Variants in SPON1 observed in about 807,000 individuals in gnomAD.
The protein encoded by SPON1 is spondin 1.
In SPON1, 52 loss-of-function variants were observed where a neutral mutation model predicts 111.7. The ratio of observed to expected loss-of-function variants is 0.47; its 90% CI spans 0.37 to 0.59. The LOEUF is 0.59. SPON1 is among the 20% of genes least tolerant of loss of function. The pLI, the probability that SPON1 is intolerant of heterozygous loss-of-function variation, is 0.00. For synonymous variants in SPON1, 410 were observed against 395.8 expected, an observed-to-expected ratio of 1.04 and a Z score of -0.43; for missense variants, 957 against 1,068.5, an observed-to-expected ratio of 0.90 and a Z score of 1.46.
chr11:14,243,837 T>C (rs546182422), intron 7 of SPON1, among the ~76,000 whole-genome samples: 21 of 152,200 alleles, frequency 1.4e-4, no homozygotes, highest in Non-Finnish European at 2.4e-4. Flanking sequence ...AGATTTTATC[T>C]GCCCTTGAGT....
intron 6 of SPON1, among the ~76,000 whole-genome samples, chr11:14,143,905 G>A (rs1847687913): frequency 6.6e-6 from 1 of 152,142 alleles, no homozygotes; most frequent in African/African-American, 2.4e-5. Context: ...CAGAGAAAGA[G>A]TATGGGGCCC....
intron 6 of SPON1, among the ~76,000 whole-genome samples, chr11:14,140,957 G>C (rs751951091): frequency 6.6e-6 from 1 of 151,526 alleles, no homozygotes; most frequent in Non-Finnish European, 1.5e-5. Context: ...GCTTGATGGA[G>C]GGTTTTCTCA....
rs1848027790 is a variant in SPON1, at chr11:13,967,553, GA to G, written c.238+4417del. On this transcript the variant is annotated intron_variant, in intron 1 of 15. Transcript: ENST00000576479. ...AAACCCAGAAAGAAAAAAAAAAAAA[GA>G]AAAAACAGATTTGACTGTTGTTTTG... Among the ~76,000 whole-genome samples, 4 of 138,020 alleles carry G rather than the reference GA, an allele frequency of 2.9e-5. No homozygotes were observed. In the South Asian group the frequency reaches 9.3e-4, roughly 32 times the overall value. 90.5% of individuals were successfully genotyped at this position (138,020 alleles called of 152,430 possible). A position where few individuals can be genotyped will look rare whatever the true frequency, so the allele number is the denominator to read the frequency against.
rs1274021608 is a variant in SPON1, at chr11:14,172,632, A to G, written c.825+37064A>G. Among the ~76,000 whole-genome samples, 9 of 151,944 alleles carry G rather than the reference A, an allele frequency of 5.9e-5. 1 individual carries two copies. The highest frequency in any genetic ancestry group is 2.1e-4 in the South Asian group (1 of 4,804). On this transcript the variant is annotated intron_variant, in intron 6 of 15. Coordinates refer to ENST00000576479, the MANE Select transcript of SPON1 (RefSeq NM_006108.4). ...GCATATTTTTGCAGTGGCTGGTACC[A>G]GTTGTTCCTTTCCATGTTTAGTGCT...
intron 6 of SPON1, among the ~76,000 whole-genome samples, chr11:14,209,795 C>G (rs1848555116): frequency 6.6e-6 from 1 of 152,168 alleles, no homozygotes; most frequent in African/African-American, 2.4e-5. Context: ...ATTGCTGGGT[C>G]AAATGGTATT....
At chr11:14,243,272 G>A in intron 6 of SPON1, 60 bp from the exon 7 acceptor site, 2 of 1,488,166 alleles carry the variant, frequency 1.3e-6, no homozygotes, top group East Asian at 2.5e-5. Context: ...CCAGGTCAAA[G>A]CCCTATTGTT....
intron 2 of SPON1, among the ~76,000 whole-genome samples, chr11:14,039,075 A>T (rs1554916978): frequency 1.3e-5 from 2 of 152,252 alleles, no homozygotes; most frequent in Non-Finnish European, 2.9e-5. Flanking sequence ...GCATATTACT[A>T]AGTGAAAGAA....
intron 6 of SPON1, among the ~76,000 whole-genome samples, chr11:14,198,951 T>G (rs1337382581): frequency 6.6e-6 from 1 of 152,236 alleles, no homozygotes; most frequent in East Asian, 1.9e-4. Flanking sequence ...TGACCAGAGA[T>G]AAATCTAGCT....
intron 5 of SPON1, among the ~76,000 whole-genome samples, chr11:14,116,033 G>T (rs988311549): frequency 6.6e-6 from 1 of 152,082 alleles, no homozygotes; most frequent in Admixed American, 6.5e-5. Flanking sequence ...TGACCATTTG[G>T]ATAACCTGAA....
chr11:14,255,789 T>TA lies in SPON1; in HGVS notation c.1233+3dup. Reference sequence around the variant, plus strand: ...GTCATCGAGAGAATCGCACGGAAGGTACTGGGTTAGAACCCACTCTGGCAT... The same window carrying TA: ...GTCATCGAGAGAATCGCACGGAAGGTAACTGGGTTAGAACCCACTCTGGCAT... On this transcript the variant is annotated splice_region_variant and intron_variant, in intron 9 of 15. Transcript: ENST00000576479. The TA allele has an allele frequency of 6.2e-7, 1 of 1,613,678 alleles. No individual in the cohort carries two copies.
At chr11:14,071,445 C>T (rs1262771851) in intron 3 of SPON1, among the ~76,000 whole-genome samples, 3 of 152,188 alleles carry the variant, frequency 2.0e-5, no homozygotes, top group African/African-American at 4.8e-5. Flanking sequence ...GCAACTCCCA[C>T]GTCCACACTC....
chr11:13,982,878 C>A lies in SPON1; in HGVS notation c.270C>A (p.Phe90Leu). Residue 90 changes from phenylalanine (F) to leucine (L), a missense_variant, in exon 2 of 16, where the codon TTC becomes TTA. Physicochemically the swap from Phe to Leu is conservative, Grantham distance 22. This residue lies in a region of SPON1 where 262 missense variants were observed against 253.9 expected (regional missense o/e 1.03). Coordinates refer to ENST00000576479, the MANE Select transcript of SPON1 (RefSeq NM_006108.4). ...TTTCAGCTGCTCCTCCCTCCTACTT[C>A]AGAGGATTCACATTAATTGCCCTCA... is the stretch of plus-strand genomic sequence containing the variant. ...VTLSAAPPSY[F>L]RGFTLIALRE... 1 of 1,562,094 alleles carries A rather than the reference C, an allele frequency of 6.4e-7. No homozygotes were observed. The highest frequency in any genetic ancestry group is 2.4e-5 in the East Asian group (1 of 42,046).
intron 6 of SPON1, among the ~76,000 whole-genome samples, chr11:14,213,561 T>A (rs1554936913): frequency 6.6e-6 from 1 of 152,210 alleles, no homozygotes; most frequent in Non-Finnish European, 1.5e-5. Context: ...CAATAGTAAT[T>A]AATCAAACGA....
intron 6 of SPON1, among the ~76,000 whole-genome samples, chr11:14,167,294 G>T (rs1554931943): frequency 6.6e-6 from 1 of 151,850 alleles, no homozygotes. Context: ...TTGGAAAGTT[G>T]TCAGATATCA....
At chr11:14,257,997 C>A (rs782016148) in intron 11 of SPON1, 99 bp downstream of exon 11, 18 of 1,187,792 alleles carry the variant, frequency 1.5e-5, no homozygotes, top group Non-Finnish European at 1.6e-5. Context: ...GCACAAGGAC[C>A]CTGACAGTAG....
intron 1 of SPON1, among the ~76,000 whole-genome samples, chr11:13,966,947 T>G (rs1848022504): frequency 6.6e-6 from 1 of 152,248 alleles, no homozygotes; most frequent in Non-Finnish European, 1.5e-5. Context: ...TGTTATGAGA[T>G]GATTATTTTG....
intron 6 of SPON1, among the ~76,000 whole-genome samples, chr11:14,203,410 G>T (rs544215133): frequency 6.6e-6 from 1 of 152,298 alleles, no homozygotes; most frequent in East Asian, 1.9e-4. Flanking sequence ...TTGGCAGGAA[G>T]AAGTGGCACC....
At chr11:14,059,377 T>C (rs1254692258) in intron 3 of SPON1, among the ~76,000 whole-genome samples, 1 of 151,998 alleles carries the variant, frequency 6.6e-6, no homozygotes, top group Non-Finnish European at 1.5e-5. Flanking sequence ...AAAGTCAAAA[T>C]GTAAAAGGTG....
chr11:14,105,794 A>T (rs1010344083), intron 5 of SPON1, among the ~76,000 whole-genome samples: 6 of 152,170 alleles, frequency 3.9e-5, no homozygotes, highest in African/African-American at 1.4e-4. Flanking sequence ...TCTCACTCAG[A>T]CTTCCTCCTG....
Sources: allele counts gnomAD v4.1 joint callset (sites outside exome capture counted in the v4.1 genomes callset), GRCh38; gene constraint gnomAD v4.1.1; regional missense constraint gnomAD v4.1.1; transcripts MANE v1.5; gene names NCBI Gene and HGNC (gene_info 2026-07-23, HGNC 2026-07-21).